Variants in ERBB4 observed in about 807,000 individuals in gnomAD.
The protein encoded by ERBB4 is receptor tyrosine-protein kinase erbB-4.
In ERBB4, 42 loss-of-function variants were observed where a neutral mutation model predicts 158.0. The ratio of observed to expected loss-of-function variants is 0.27; its 90% CI spans 0.21 to 0.34. The LOEUF (loss-of-function observed/expected upper bound fraction) is 0.34, where lower values mean the gene tolerates loss of function less well. Ranked by LOEUF, ERBB4 falls within the 10% of genes least tolerant of loss-of-function variation. ERBB4 has a pLI of 1.00. For synonymous variants in ERBB4, 583 were observed against 558.7 expected (o/e 1.04, Z -0.61); for missense variants, 1,333 against 1,624.1 (o/e 0.82, Z 3.08).
At chr2:211,401,673 T>C (rs1429846197) in intron 25 of ERBB4, among the ~76,000 whole-genome samples, 1 of 152,052 alleles carries the variant, frequency 6.6e-6, no homozygotes, top group African/African-American at 2.4e-5. Flanking sequence ...TCTGAAGCCT[T>C]TTGTAGATTT....
intron 15 of ERBB4, among the ~76,000 whole-genome samples, chr2:211,660,846 A>G (rs1229568491): frequency 6.6e-6 from 1 of 152,226 alleles, no homozygotes; most frequent in Non-Finnish European, 1.5e-5. Context: ...ATAATTGAGT[A>G]AAACCAATTA....
chr2:211,746,824 T>C (rs1470501171), intron 5 of ERBB4, among the ~76,000 whole-genome samples: 1 of 109,104 alleles, frequency 9.2e-6, no homozygotes, highest in African/African-American at 4.4e-5. Context: ...AGGGAGACTG[T>C]CTCAAAAAAA....
rs573886114 is a variant in ERBB4, at chr2:212,407,366, T to C, written c.82+131083A>G. 5.3e-5 allele frequency among the ~76,000 whole-genome samples: 8 copies of C among 152,154 alleles called. No homozygotes were observed. The South Asian group carries it at 1.5e-3, about 28-fold the overall frequency. On this transcript the variant is annotated intron_variant, in intron 1 of 27. Coordinates refer to ENST00000342788, the MANE Select transcript of ERBB4 (RefSeq NM_005235.3). The stretch of plus-strand genomic sequence containing the variant: ...ACACCCTTCTGAGGCTTTAATTCAT[T>C]TATTGTCATAACAATCTAATCAATA...
chr2:211,439,916 T>C (rs890300062), intron 20 of ERBB4, among the ~76,000 whole-genome samples: 2 of 152,052 alleles, frequency 1.3e-5, no homozygotes, highest in African/African-American at 4.8e-5. Flanking sequence ...CCGACAGAGA[T>C]AACAGAATTT....
At chr2:211,471,464 A>G (rs1285492605) in intron 20 of ERBB4, among the ~76,000 whole-genome samples, 1 of 152,184 alleles carries the variant, frequency 6.6e-6, no homozygotes, top group African/African-American at 2.4e-5. Context: ...CAGTACTTTA[A>G]TACTATTTAC....
chr2:211,872,261 A>G (rs2078369230), intron 3 of ERBB4, among the ~76,000 whole-genome samples: 1 of 152,222 alleles, frequency 6.6e-6, no homozygotes. Context: ...ACATTTCCAC[A>G]TCACAAATTA....
intron 1 of ERBB4, among the ~76,000 whole-genome samples, chr2:212,267,640 G>A (rs1419301469): frequency 2.2e-5 from 3 of 136,862 alleles, no homozygotes; most frequent in Admixed American, 1.5e-4. Context: ...GGGTACATGT[G>A]CACAATGTGC....
chr2:212,117,378 A>C (rs1403499247), intron 2 of ERBB4, among the ~76,000 whole-genome samples: 1 of 152,190 alleles, frequency 6.6e-6, no homozygotes, highest in African/African-American at 2.4e-5. Context: ...GTTTCCTTGA[A>C]TCTAATGATG....
intron 1 of ERBB4, among the ~76,000 whole-genome samples, chr2:212,234,202 A>C (rs993804338): frequency 6.6e-6 from 1 of 151,958 alleles, no homozygotes. Flanking sequence ...CTTATTGTTC[A>C]ATTCCCAATT....
At chr2:211,462,236 T>C (rs2064553960) in intron 20 of ERBB4, among the ~76,000 whole-genome samples, 1 of 151,926 alleles carries the variant, frequency 6.6e-6, no homozygotes, top group East Asian at 1.9e-4. Context: ...TTTTAAACAA[T>C]CAGATCTCAT....
At chr2:212,334,981 TTCTTGAAAA>T (rs2088358522) in intron 1 of ERBB4, among the ~76,000 whole-genome samples, 1 of 152,000 alleles carries the variant, frequency 6.6e-6, no homozygotes, top group South Asian at 2.1e-4. Context: ...TTTGGATAAA[TTCTTGAAAA>T]AAATATATTT....
At chr2:212,341,185 T>G (rs2088693146) in intron 1 of ERBB4, among the ~76,000 whole-genome samples, 1 of 151,862 alleles carries the variant, frequency 6.6e-6, no homozygotes, top group African/African-American at 2.4e-5. Flanking sequence ...CTAAAAGAAT[T>G]TGAAATGTAT....
intron 20 of ERBB4, among the ~76,000 whole-genome samples, chr2:211,523,783 T>C (rs927819948): frequency 1.3e-5 from 2 of 152,078 alleles, no homozygotes; most frequent in Non-Finnish European, 1.5e-5. Flanking sequence ...GCTTCCACAG[T>C]GTGGAAGGGG....
intron 3 of ERBB4, among the ~76,000 whole-genome samples, chr2:211,863,527 C>T (rs565576737): frequency 1.3e-5 from 2 of 152,222 alleles, no homozygotes; most frequent in South Asian, 2.1e-4. Flanking sequence ...CTGAAGTCAG[C>T]GAAACTAAGA....
intron 7 of ERBB4, among the ~76,000 whole-genome samples, chr2:211,716,710 CA>C (rs1405740371): frequency 2.2e-4 from 20 of 92,770 alleles, no homozygotes; most frequent in South Asian, 1.7e-3. Flanking sequence ...CAAAACAAAA[CA>C]AAAAAAAACA....
At chr2:212,142,631 A>T (rs1021638277) in intron 1 of ERBB4, among the ~76,000 whole-genome samples, 5 of 148,006 alleles carry the variant, frequency 3.4e-5, no homozygotes, top group Admixed American at 2.7e-4. Flanking sequence ...AATATATATA[A>T]ATATTATCCT....
At chr2:211,499,035 C>T (rs372145601) in intron 20 of ERBB4, among the ~76,000 whole-genome samples, 8 of 152,246 alleles carry the variant, frequency 5.3e-5, no homozygotes, top group African/African-American at 7.2e-5. Flanking sequence ...GTAACTCCAG[C>T]GCTAGCACAG....
intron 5 of ERBB4, among the ~76,000 whole-genome samples, chr2:211,743,787 A>G (rs539663742): frequency 1.3e-5 from 2 of 152,318 alleles, no homozygotes; most frequent in South Asian, 4.1e-4. Flanking sequence ...GGAGCAATGC[A>G]GCCACCATTT....
At chr2:212,463,329 T>C (rs1688667500) in intron 1 of ERBB4, among the ~76,000 whole-genome samples, 1 of 152,102 alleles carries the variant, frequency 6.6e-6, no homozygotes, top group East Asian at 1.9e-4. Context: ...GATCACTACA[T>C]ATTGTGTAAG....
Sources: gnomAD v4.1 joint callset for allele counts (sites outside exome capture counted in the v4.1 genomes callset) on GRCh38, gnomAD v4.1.1 for gene constraint, MANE v1.5 for transcripts, NCBI Gene and HGNC (gene_info 2026-07-23, HGNC 2026-07-21) for gene names.